The following PSMA5 variants were observed in gnomAD, a reference collection of about 807,000 sequenced individuals.
PSMA5 encodes the protein proteasome subunit alpha type-5.
In PSMA5, 3 loss-of-function variants were observed where a neutral mutation model predicts 34.5. The observed-to-expected ratio is 0.09, with a 90% CI of 0.04 to 0.22. PSMA5 has a LOEUF of 0.22. Ranked by LOEUF, PSMA5 falls within the 10% of genes least tolerant of loss-of-function variation. The probability of loss-of-function intolerance (pLI) is 1.00; values close to 1 mark genes in which losing one functional copy is unlikely to be tolerated. For missense variants in PSMA5, 120 were observed against 286.1 expected, an observed-to-expected ratio of 0.42 and a Z score of 4.19; for synonymous variants, 88 against 95.8, an observed-to-expected ratio of 0.92 and a Z score of 0.47.
chr1:109,409,883 T>TA, intron 8 of PSMA5, 45 bp downstream of exon 8: 1 of 1,430,268 alleles, frequency 7.0e-7, no homozygotes, highest in Non-Finnish European at 9.7e-7. Context: ...ACCTCATCTC[T>TA]TAAAAAAAAA....
At chr1:109,406,946 A>C (rs1204844782) in intron 8 of PSMA5, among the ~76,000 whole-genome samples, 1 of 152,186 alleles carries the variant, frequency 6.6e-6, no homozygotes, top group Admixed American at 6.5e-5. Flanking sequence ...AGGTACATAT[A>C]AAGATTTTCT....
Position 109,411,127 on chromosome 1 carries a change from A to G in PSMA5, c.459-14T>C. 6.3e-7 allele frequency: 1 copy of G among 1,595,632 alleles called. No homozygotes were observed. Among genetic ancestry groups the G allele is most frequent in the African/African-American group, 1.3e-5 (1 of 74,652 alleles). Reference sequence around the variant, plus strand: ...TCCATATGAAACCTGCAAAACCCCCAAAATGAGGACTAAAATGCTCAGGAG... The same window carrying G: ...TCCATATGAAACCTGCAAAACCCCCGAAATGAGGACTAAAATGCTCAGGAG... On this transcript the variant is annotated splice_polypyrimidine_tract_variant and intron_variant, in intron 6 of 8. Coordinates refer to ENST00000271308, the MANE Select transcript of PSMA5 (RefSeq NM_002790.4).
At chr1:109,412,338 A>G in intron 4 of PSMA5, 154 bp from the exon 5 acceptor site, 1 of 605,814 alleles carries the variant, frequency 1.7e-6, no homozygotes, top group Admixed American at 2.8e-5. Flanking sequence ...TTGGGAGTAC[A>G]TGAGAGGAAG....
rs1462715185 is a variant in PSMA5, at chr1:109,419,804, A to AC, written c.96+2055_96+2056insG. On this transcript the variant is annotated intron_variant, in intron 2 of 8. Coordinates refer to ENST00000271308, the MANE Select transcript of PSMA5 (RefSeq NM_002790.4). Reference sequence around the variant, plus strand: ...AGAGAGTGAGACTCCGTCTCAAAAAAAAAAAAAAAAAAAAAAAAAACAAGC... The same window carrying AC: ...AGAGAGTGAGACTCCGTCTCAAAAAACAAAAAAAAAAAAAAAAAAAACAAGC... 1.4e-4 allele frequency among the ~76,000 whole-genome samples: 11 copies of AC among 77,480 alleles called. No individual in the cohort carries two copies. In the East Asian group the frequency reaches 4.5e-3, roughly 32 times the overall value. The allele number at this position is 77,480 out of a possible 152,430, so 50.8% of individuals were successfully genotyped here. A position where few individuals can be genotyped will look rare whatever the true frequency, so the allele number is the denominator to read the frequency against.
intron 1 of PSMA5, among the ~76,000 whole-genome samples, chr1:109,422,509 GTC>G (rs1031459856): frequency 2.1e-5 from 3 of 143,024 alleles, no homozygotes; most frequent in African/African-American, 8.0e-5. Flanking sequence ...TTGAGACAGA[GTC>G]TCGCTCTGTC....
chr1:109,409,656 A>C (rs1383248871), intron 8 of PSMA5, among the ~76,000 whole-genome samples: 1 of 152,222 alleles, frequency 6.6e-6, no homozygotes, highest in African/African-American at 2.4e-5. Flanking sequence ...GCTCTCACCT[A>C]TAGTCCCAGG....
chr1:109,423,655 C>T (rs1175684878), intron 1 of PSMA5, among the ~76,000 whole-genome samples: 2 of 152,324 alleles, frequency 1.3e-5, no homozygotes, highest in African/African-American at 2.4e-5. Flanking sequence ...GTGTTCCCAA[C>T]ATACGAAGTT....
At chr1:109,415,098 A>T in intron 3 of PSMA5, 139 bp downstream of exon 3, 1 of 1,028,508 alleles carries the variant, frequency 9.7e-7, no homozygotes, top group Non-Finnish European at 1.4e-6. Context: ...TCCTACATTT[A>T]CGCATTCTGG....
At chr1:109,409,276 C>T (rs901167755) in intron 8 of PSMA5, among the ~76,000 whole-genome samples, 1 of 152,190 alleles carries the variant, frequency 6.6e-6, no homozygotes, top group African/African-American at 2.4e-5. Context: ...GATGCCTCAG[C>T]CTCCCGAGTA....
chr1:109,419,900 G>A (rs1457529228), intron 2 of PSMA5, among the ~76,000 whole-genome samples: 1 of 151,046 alleles, frequency 6.6e-6, no homozygotes, highest in Non-Finnish European at 1.5e-5. Context: ...CTTGAGCCTG[G>A]TAGGTTGAGG....
chr1:109,403,443 G>A (rs897175834), intron 8 of PSMA5, among the ~76,000 whole-genome samples: 1 of 151,586 alleles, frequency 6.6e-6, no homozygotes, highest in African/African-American at 2.4e-5. Context: ...GGACAACACA[G>A]GGAGACCCCG....
intron 5 of PSMA5, 36 bp downstream of exon 5, chr1:109,412,041 A>C: frequency 6.3e-7 from 1 of 1,594,604 alleles, no homozygotes; most frequent in Non-Finnish European, 8.6e-7. Flanking sequence ...AGTCCCATAG[A>C]ACAATAAGAA....
At chr1:109,419,265 A>T (rs1022998927) in intron 2 of PSMA5, among the ~76,000 whole-genome samples, 1 of 152,214 alleles carries the variant, frequency 6.6e-6, no homozygotes, top group Non-Finnish European at 1.5e-5. Context: ...AGAGGGAGTT[A>T]AAGGGAATGC....
intron 8 of PSMA5, among the ~76,000 whole-genome samples, chr1:109,405,484 C>G (rs1264258647): frequency 1.6e-5 from 2 of 127,736 alleles, no homozygotes; most frequent in African/African-American, 3.0e-5. Flanking sequence ...GAGTCTCGCT[C>G]TGGAGTGCAG....
intron 8 of PSMA5, among the ~76,000 whole-genome samples, chr1:109,405,702 A>G (rs1653729710): frequency 6.6e-6 from 1 of 152,186 alleles, no homozygotes; most frequent in Admixed American, 6.5e-5. Context: ...GGCTTACCAA[A>G]GTGCTGGGAT....
chr1:109,413,867 TG>T (rs545456778), intron 3 of PSMA5, among the ~76,000 whole-genome samples: 46 of 152,370 alleles, frequency 3.0e-4, no homozygotes, highest in African/African-American at 1.1e-3. Context: ...GCTACTGTGT[TG>T]GTTAAAACCT....
At chr1:109,412,629 T>TAAAAAAA in intron 4 of PSMA5, 1 of 150,312 alleles carries the variant, frequency 6.7e-6, no homozygotes, top group Non-Finnish European at 1.4e-5. Flanking sequence ...CTACAAAGTT[T>TAAAAAAA]AAAAAAAAAA....
At chr1:109,407,647 T>C (rs986249982) in intron 8 of PSMA5, among the ~76,000 whole-genome samples, 1 of 152,148 alleles carries the variant, frequency 6.6e-6, no homozygotes, top group Admixed American at 6.5e-5. Flanking sequence ...ATTTTATTTA[T>C]TTATTTTTTG....
chr1:109,414,672 GT>G (rs1654123036), intron 3 of PSMA5: 1 of 152,210 alleles, frequency 6.6e-6, no homozygotes, highest in Non-Finnish European at 1.5e-5. Flanking sequence ...AGCTCCCAGA[GT>G]CACCATGGCA....
Sources: allele counts gnomAD v4.1 joint callset (sites outside exome capture counted in the v4.1 genomes callset), GRCh38; gene constraint gnomAD v4.1.1; transcripts MANE v1.5; gene names NCBI Gene and HGNC (gene_info 2026-07-23, HGNC 2026-07-21).